The following COL25A1 variants were observed in gnomAD, a reference collection of about 807,000 sequenced individuals.
The protein encoded by COL25A1 is collagen alpha-1(XXV) chain.
Under a neutral mutation model 128.4 loss-of-function variants are expected in COL25A1, and 103 were observed. The observed-to-expected ratio is 0.80, with a 90% CI of 0.68 to 0.94. COL25A1 has a LOEUF of 0.94. Ranked by LOEUF, COL25A1 falls within the 40% of genes least tolerant of loss-of-function variation. The pLI, the probability that COL25A1 is intolerant of heterozygous loss-of-function variation, is 0.00. For synonymous variants in COL25A1, 279 were observed against 277.2 expected (o/e 1.01, Z -0.06); for missense variants, 745 against 840.0 (o/e 0.89, Z 1.40).
At chr4:109,214,677 A>G (rs1777850755) in intron 3 of COL25A1, among the ~76,000 whole-genome samples, 1 of 152,134 alleles carries the variant, frequency 6.6e-6, no homozygotes, top group Admixed American at 6.6e-5. Context: ...AAAAGTATCA[A>G]TGCAAGATGA....
intron 10 of COL25A1, 76 bp downstream of exon 10, chr4:108,940,463 C>T (rs975476793): frequency 8.0e-7 from 1 of 1,243,136 alleles, no homozygotes; most frequent in Non-Finnish European, 1.2e-6. Flanking sequence ...CCCCTCACCA[C>T]CCTACTCCAC....
chr4:109,280,894 C>G (rs1723316892), intron 3 of COL25A1, among the ~76,000 whole-genome samples: 1 of 152,024 alleles, frequency 6.6e-6, no homozygotes, highest in African/African-American at 2.4e-5. Context: ...ATCCGCCCAC[C>G]TCGACCTCCC....
At chr4:109,228,830 G>A (rs954928759) in intron 3 of COL25A1, among the ~76,000 whole-genome samples, 1 of 152,190 alleles carries the variant, frequency 6.6e-6, no homozygotes, top group Admixed American at 6.5e-5. Context: ...GTATACTACT[G>A]TGGAATTCCA....
chr4:108,918,221 A>C lies in COL25A1; in HGVS notation c.736-5T>G, dbSNP rs1745091200. On this transcript the variant is annotated splice_polypyrimidine_tract_variant and splice_region_variant and intron_variant, in intron 12 of 37. Transcript: ENST00000399132. The stretch of plus-strand genomic sequence containing the variant: ...TCCAGGTGCTCCAATAGAACCCTAA[A>C]GAGACACATGATTAAATTCAGTTGA... 1 of 1,591,504 alleles carries C rather than the reference A, an allele frequency of 6.3e-7. No individual in the cohort carries two copies. Among genetic ancestry groups the C allele is most frequent in the Non-Finnish European group, 8.6e-7 (1 of 1,164,788 alleles).
chr4:108,824,858 G>A (rs1322333484), intron 34 of COL25A1, among the ~76,000 whole-genome samples: 3 of 152,114 alleles, frequency 2.0e-5, no homozygotes, highest in Non-Finnish European at 2.9e-5. Context: ...ATATCATTCT[G>A]TAAGGATAGC....
At chr4:108,860,892 G>C in intron 23 of COL25A1, 35 bp downstream of exon 23, 1 of 1,599,568 alleles carries the variant, frequency 6.3e-7, no homozygotes, top group Non-Finnish European at 8.6e-7. Flanking sequence ...GGATTGTAGG[G>C]AGCAAAAGTT....
intron 20 of COL25A1, among the ~76,000 whole-genome samples, chr4:108,868,484 G>A (rs1330862599): frequency 1.4e-5 from 2 of 146,786 alleles, no homozygotes; most frequent in Admixed American, 1.4e-4. Flanking sequence ...AAGAAATCAA[G>A]CAAGAAGGAA....
At chr4:109,263,463 A>G (rs1456624165) in intron 3 of COL25A1, among the ~76,000 whole-genome samples, 5 of 152,196 alleles carry the variant, frequency 3.3e-5, no homozygotes, top group East Asian at 1.9e-4. Flanking sequence ...TGGTAATGAT[A>G]TAAGTGTAAT....
intron 3 of COL25A1, among the ~76,000 whole-genome samples, chr4:109,275,291 A>G (rs1722716940): frequency 6.6e-6 from 1 of 152,196 alleles, no homozygotes; most frequent in South Asian, 2.1e-4. Flanking sequence ...GCCCTGAAAA[A>G]GGACCCCCTG....
At chr4:109,019,375 C>CACACATATATATATATATATATATATAT (rs1338511772) in intron 5 of COL25A1, among the ~76,000 whole-genome samples, 2 of 48,878 alleles carry the variant, frequency 4.1e-5, no homozygotes, top group African/African-American at 2.7e-4. Context: ...CACACACACA[C>CACACATATATATATATATATATATATAT]ATATATATAT....
At chr4:108,908,059 G>A (rs887499590) in intron 13 of COL25A1, among the ~76,000 whole-genome samples, 1 of 152,136 alleles carries the variant, frequency 6.6e-6, no homozygotes, top group Non-Finnish European at 1.5e-5. Context: ...GACTAAAGAC[G>A]TTACCTGTTC....
At chr4:109,207,774 G>A (rs1777132634) in intron 3 of COL25A1, among the ~76,000 whole-genome samples, 1 of 152,040 alleles carries the variant, frequency 6.6e-6, no homozygotes, top group South Asian at 2.1e-4. Context: ...TGAAAAGTCA[G>A]AAACAAAAGA....
intron 6 of COL25A1, among the ~76,000 whole-genome samples, chr4:108,979,345 G>T (rs1039185704): frequency 1.3e-5 from 2 of 152,148 alleles, no homozygotes; most frequent in Non-Finnish European, 1.5e-5. Flanking sequence ...GAGGCACAAT[G>T]AATGACATTC....
chr4:109,165,694 G>A (rs1264744974), intron 3 of COL25A1, among the ~76,000 whole-genome samples: 1 of 152,130 alleles, frequency 6.6e-6, no homozygotes, highest in Non-Finnish European at 1.5e-5. Context: ...TCCAGCCTGA[G>A]TGACAGAACA....
At chr4:108,950,411 CAGA>C in intron 8 of COL25A1, among the ~76,000 whole-genome samples, 1 of 152,226 alleles carries the variant, frequency 6.6e-6, no homozygotes, top group East Asian at 1.9e-4. Flanking sequence ...AAGCACTACA[CAGA>C]AGTAGCAGAA....
At position 108,870,702 on chromosome 4, in the gene COL25A1, A is replaced by G. The variant is rs555633147; in HGVS notation, c.1021-1552T>C. 2.3e-4 allele frequency among the ~76,000 whole-genome samples: 35 copies of G among 152,352 alleles called. 1 individual carries two copies. The highest frequency in any genetic ancestry group is 8.4e-4 in the African/African-American group (35 of 41,586). On this transcript the variant is annotated intron_variant, in intron 19 of 37. Transcript: ENST00000399132. ...CAAACAAAAACATTATAAGGAATACATCTGTTTACATGTAAAATATTTCAC... is the reference window on the plus strand; with the variant it reads ...CAAACAAAAACATTATAAGGAATACGTCTGTTTACATGTAAAATATTTCAC...
At chr4:109,115,013 T>C (rs1767399828) in intron 3 of COL25A1, among the ~76,000 whole-genome samples, 1 of 152,090 alleles carries the variant, frequency 6.6e-6, no homozygotes. Flanking sequence ...AGCAGGATGT[T>C]ATTAAAAATT....
At chr4:108,825,634 G>T (rs1450452915) in intron 33 of COL25A1, among the ~76,000 whole-genome samples, 3 of 152,128 alleles carry the variant, frequency 2.0e-5, no homozygotes, top group Non-Finnish European at 4.4e-5. Flanking sequence ...CAGGAGTTAA[G>T]TTAAAAGCAA....
chr4:109,285,767 C>T (rs532679716), intron 3 of COL25A1, among the ~76,000 whole-genome samples: 2 of 152,346 alleles, frequency 1.3e-5, no homozygotes, highest in South Asian at 4.1e-4. Context: ...CCTAACATTA[C>T]TGTGTTAACT....
Sources: allele counts gnomAD v4.1 joint callset (sites outside exome capture counted in the v4.1 genomes callset), GRCh38; gene constraint gnomAD v4.1.1; transcripts MANE v1.5; gene names NCBI Gene and HGNC (gene_info 2026-07-23, HGNC 2026-07-21).